The following FRS2 variants were observed in gnomAD, a reference collection of about 807,000 sequenced individuals.
The protein encoded by FRS2 is fibroblast growth factor receptor substrate 2.
A neutral mutation model predicts 43.9 loss-of-function variants in FRS2; 8 were observed. That is an observed-to-expected ratio of 0.18 (90% CI 0.11 to 0.33). FRS2 has a LOEUF of 0.33. Among genes scored for constraint, FRS2 ranks in the 10% least tolerant of loss-of-function variants. FRS2 has a pLI of 1.00. For synonymous variants in FRS2, 219 were observed against 220.3 expected, an observed-to-expected ratio of 0.99 and a Z score of 0.05; for missense variants, 534 against 627.6, an observed-to-expected ratio of 0.85 and a Z score of 1.59.
At chr12:69,472,983 C>T (rs1855363508) in intron 1 of FRS2, among the ~76,000 whole-genome samples, 1 of 152,090 alleles carries the variant, frequency 6.6e-6, no homozygotes, top group Non-Finnish European at 1.5e-5. Context: ...TAAACATTTA[C>T]AACATAAACA....
chr12:69,570,669 T>A (rs1593072101), intron 6 of FRS2, 152 bp downstream of exon 6: 2 of 574,362 alleles, frequency 3.5e-6, no homozygotes, highest in East Asian at 2.8e-5. Context: ...TGTATTAATT[T>A]ATCAACTGTT....
chr12:69,510,643 T>G (rs899366803), intron 1 of FRS2, among the ~76,000 whole-genome samples: 3 of 152,170 alleles, frequency 2.0e-5, no homozygotes, highest in African/African-American at 4.8e-5. Flanking sequence ...GTGTAGTGAT[T>G]AGGCGTGTGG....
At chr12:69,504,265 T>C (rs184974389) in intron 1 of FRS2, among the ~76,000 whole-genome samples, 1 of 152,268 alleles carries the variant, frequency 6.6e-6, no homozygotes, top group East Asian at 1.9e-4. Context: ...TTCGGGAAGC[T>C]GAGGCAGGTG....
At position 69,574,733 on chromosome 12, in the gene FRS2, T is replaced by C; in HGVS notation, c.1305T>C (p.Asn435=). 6.2e-7 allele frequency: 1 copy of C among 1,614,174 alleles called. No individual in the cohort carries two copies. Residue 435 remains asparagine, a synonymous_variant, in exon 9 of 9, where the codon AAT becomes AAC. Coordinates refer to ENST00000549921, the MANE Select transcript of FRS2 (RefSeq NM_001278356.2). ...RRPSLEHRQL[N]YIQVDLEGGS... ...CAAGTTTAGAACACAGGCAGCTTAA[T>C]TACATACAGGTTGACTTGGAAGGTG...
At chr12:69,504,157 T>G (rs993810570) in intron 1 of FRS2, among the ~76,000 whole-genome samples, 2 of 152,000 alleles carry the variant, frequency 1.3e-5, no homozygotes, top group African/African-American at 4.8e-5. Flanking sequence ...TTCCGATGAG[T>G]GAGACAAGCA....
rs1282641520 is a variant in FRS2 at position 69,475,978 on chromosome 12, G to GTT, written c.-261+5453_-261+5454dup. ...TGGGTAATCGGTAGTTTTTGTTTTT[G>GTT]TTTTTTAAATGTCCTTGGCAGAATA... On this transcript the variant is annotated intron_variant, in intron 1 of 8. Coordinates refer to ENST00000549921, the MANE Select transcript of FRS2 (RefSeq NM_001278356.2). Among the ~76,000 whole-genome samples the GTT allele has an allele frequency of 2.6e-5, 4 of 152,070 alleles. No homozygotes were observed. In the East Asian group the frequency reaches 5.8e-4, roughly 22 times the overall value.
chr12:69,553,157 C>T (rs754940760), intron 3 of FRS2, among the ~76,000 whole-genome samples: 37 of 152,168 alleles, frequency 2.4e-4, no homozygotes, highest in Middle Eastern at 3.4e-3. Flanking sequence ...CTGCAACCTC[C>T]GCCTCCCAGG....
intron 1 of FRS2, among the ~76,000 whole-genome samples, chr12:69,482,240 A>G (rs1040730150): frequency 8.5e-5 from 13 of 152,210 alleles, no homozygotes; most frequent in Non-Finnish European, 1.6e-4. Flanking sequence ...TTAGGTGACA[A>G]AGATTAGTGA....
At chr12:69,545,755 C>CAAAAAAAAAAA (rs60460901) in intron 3 of FRS2, among the ~76,000 whole-genome samples, 77 of 80,372 alleles carry the variant, frequency 9.6e-4, no homozygotes, top group East Asian at 1.6e-3. Context: ...GACCCTGTCT[C>CAAAAAAAAAAA]AAAAAAAAAA....
At chr12:69,512,944 G>C (rs1396254167) in intron 1 of FRS2, among the ~76,000 whole-genome samples, 1 of 152,110 alleles carries the variant, frequency 6.6e-6, no homozygotes, top group African/African-American at 2.4e-5. Flanking sequence ...CTTCATTTCA[G>C]TTAACTTTAT....
At chr12:69,511,143 A>G (rs1013480299) in intron 1 of FRS2, among the ~76,000 whole-genome samples, 2 of 152,184 alleles carry the variant, frequency 1.3e-5, no homozygotes, top group African/African-American at 4.8e-5. Context: ...TATGCAGCCC[A>G]TCAGTAAATT....
intron 1 of FRS2, among the ~76,000 whole-genome samples, chr12:69,508,946 G>A (rs1305869391): frequency 6.6e-6 from 1 of 152,068 alleles, no homozygotes; most frequent in Admixed American, 6.6e-5. Flanking sequence ...TTAAGACTAT[G>A]CAAATATTTT....
At chr12:69,517,525 A>G (rs1273996642) in intron 1 of FRS2, among the ~76,000 whole-genome samples, 1 of 151,798 alleles carries the variant, frequency 6.6e-6, no homozygotes, top group Non-Finnish European at 1.5e-5. Context: ...AATCATCTAG[A>G]TAAGAAATGG....
chr12:69,518,996 C>CAA (rs35495239), intron 1 of FRS2, among the ~76,000 whole-genome samples: 173 of 98,516 alleles, frequency 1.8e-3, no homozygotes, highest in Middle Eastern at 9.4e-3. Context: ...AACTCCGTCT[C>CAA]AAAAAAAAAA....
intron 3 of FRS2, among the ~76,000 whole-genome samples, chr12:69,555,447 G>T (rs1010534938): frequency 4.6e-5 from 7 of 152,256 alleles, no homozygotes; most frequent in Admixed American, 3.3e-4. Context: ...GTTAATCACA[G>T]GGATAGATGT....
At chr12:69,472,092 T>C (rs1870352049) in intron 1 of FRS2, among the ~76,000 whole-genome samples, 1 of 152,106 alleles carries the variant, frequency 6.6e-6, no homozygotes, top group African/African-American at 2.4e-5. Context: ...TTTCTTTTCT[T>C]TTTTCTTTCT....
rs370860144 is a variant in FRS2 at position 69,574,685 on chromosome 12, C to T, written c.1257C>T (p.Val419=). ...GGCGTCGGGACTGTACACCAACAGTCTTTAACTTTGATATCAGACGCCCAA... is the reference window on the plus strand; with the variant it reads ...GGCGTCGGGACTGTACACCAACAGTTTTTAACTTTGATATCAGACGCCCAA... ...YSRRRDCTPT[V]FNFDIRRPSL... The change falls in exon 9 of 9, where the codon GTC becomes GTT. Residue 419 remains valine (V), a synonymous_variant. Coordinates refer to ENST00000549921, the MANE Select transcript of FRS2 (RefSeq NM_001278356.2). 2.5e-6 allele frequency: 4 copies of T among 1,614,050 alleles called. No homozygotes were observed. Among genetic ancestry groups the T allele is most frequent in the Admixed American group, 1.7e-5 (1 of 59,998 alleles).
intron 3 of FRS2, among the ~76,000 whole-genome samples, chr12:69,550,825 T>A (rs1400372498): frequency 6.6e-6 from 1 of 152,224 alleles, no homozygotes; most frequent in Non-Finnish European, 1.5e-5. Context: ...GAGTATTTTA[T>A]GTACATAATT....
In FRS2 at chr12:69,566,555, C is replaced by T. The variant is rs189945524; in HGVS notation, c.-26-2450C>T. ...CTGGGGGGCGGATATTGCAGTGAGC[C>T]GAGATCACGCCATAGCACTCCAGCC... is the stretch of plus-strand genomic sequence containing the variant. On this transcript the variant is annotated intron_variant, in intron 4 of 8. Coordinates refer to ENST00000549921, the MANE Select transcript of FRS2 (RefSeq NM_001278356.2). Among the ~76,000 whole-genome samples the T allele has an allele frequency of 3.9e-3, 596 of 151,708 alleles. 19 individuals are homozygous for T. The highest frequency in any genetic ancestry group is 0.035 in the Admixed American group (527 of 15,230).
Sources: gnomAD v4.1 joint callset for allele counts (sites outside exome capture counted in the v4.1 genomes callset) on GRCh38, gnomAD v4.1.1 for gene constraint, MANE v1.5 for transcripts, NCBI Gene and HGNC (gene_info 2026-07-23, HGNC 2026-07-21) for gene names.